CSMD1: variants seen among roughly 807,000 people sequenced by gnomAD.
The protein encoded by CSMD1 is CUB and sushi domain-containing protein 1.
CSMD1 carries 213 observed loss-of-function variants against 417.5 expected under a neutral mutation model. The ratio of observed to expected loss-of-function variants is 0.51; its 90% CI spans 0.46 to 0.57. The LOEUF (loss-of-function observed/expected upper bound fraction) is 0.57. Ranked by LOEUF, CSMD1 falls within the 20% of genes least tolerant of loss-of-function variation. The pLI is 0.00. For synonymous variants in CSMD1, 2,862 were observed against 1,736.8 expected (o/e 1.65, Z -16.11); for missense variants, 6,923 against 4,529.7 (o/e 1.53, Z -15.17).
chr8:3,868,470 G>T (rs1232657861), intron 5 of CSMD1, among the ~76,000 whole-genome samples: 2 of 152,116 alleles, frequency 1.3e-5, no homozygotes, highest in African/African-American at 4.8e-5. Flanking sequence ...CAGCCAAAAG[G>T]AAGGGGCTCT....
intron 4 of CSMD1, among the ~76,000 whole-genome samples, chr8:3,999,496 T>C (rs754653359): frequency 2.0e-4 from 30 of 152,174 alleles, no homozygotes; most frequent in Non-Finnish European, 3.8e-4. Context: ...AACGTCAAAA[T>C]AGAACCAATC....
intron 8 of CSMD1, among the ~76,000 whole-genome samples, chr8:3,615,094 A>G (rs1738168856): frequency 6.6e-6 from 1 of 152,182 alleles, no homozygotes; most frequent in African/African-American, 2.4e-5. Flanking sequence ...TTCTAATATG[A>G]TACTGGAAAC....
intron 5 of CSMD1, among the ~76,000 whole-genome samples, chr8:3,969,359 G>A (rs553623480): frequency 1.3e-5 from 2 of 152,314 alleles, no homozygotes; most frequent in Non-Finnish European, 2.9e-5. Context: ...GAACATCACA[G>A]AATGCTCAGA....
chr8:4,613,094 T>C (rs905108051), intron 2 of CSMD1, among the ~76,000 whole-genome samples: 3 of 152,156 alleles, frequency 2.0e-5, no homozygotes, highest in African/African-American at 7.2e-5. Context: ...GCTTGTCTTA[T>C]AGCTGAATGC....
At chr8:4,962,228 G>T (rs1195564805) in intron 1 of CSMD1, among the ~76,000 whole-genome samples, 3 of 148,824 alleles carry the variant, frequency 2.0e-5, no homozygotes, top group Admixed American at 6.7e-5. Flanking sequence ...AATATTTGTT[G>T]GAGACAGAGA....
intron 1 of CSMD1, among the ~76,000 whole-genome samples, chr8:4,718,434 T>C (rs1348539799): frequency 6.6e-6 from 1 of 152,188 alleles, no homozygotes; most frequent in Non-Finnish European, 1.5e-5. Flanking sequence ...GGCTGATTCT[T>C]AAGCAGGAAT....
chr8:3,985,419 A>C (rs1814245041), intron 5 of CSMD1, among the ~76,000 whole-genome samples: 1 of 152,102 alleles, frequency 6.6e-6, no homozygotes, highest in African/African-American at 2.4e-5. Context: ...GTCTAGTCTT[A>C]TGTGCACACA....
At chr8:4,813,317 T>C (rs553628754) in intron 1 of CSMD1, among the ~76,000 whole-genome samples, 1 of 152,130 alleles carries the variant, frequency 6.6e-6, no homozygotes, top group African/African-American at 2.4e-5. Context: ...GCCGGGGCTG[T>C]GATGAGAAAT....
At chr8:3,224,616 G>A (rs1208512124) in intron 27 of CSMD1, among the ~76,000 whole-genome samples, 1 of 152,158 alleles carries the variant, frequency 6.6e-6, no homozygotes, top group Non-Finnish European at 1.5e-5. Flanking sequence ...TGATCACAAT[G>A]CTTGGTATAT....
chr8:3,106,479 T>A (rs1265647839), intron 46 of CSMD1, 49 bp downstream of exon 46: 8 of 1,137,170 alleles, frequency 7.0e-6, no homozygotes, highest in African/African-American at 1.5e-5. Flanking sequence ...ACAATACAAT[T>A]TTCCATGTTG....
At chr8:3,908,913 C>T (rs989213120) in intron 5 of CSMD1, among the ~76,000 whole-genome samples, 16 of 152,206 alleles carry the variant, frequency 1.1e-4, no homozygotes, top group African/African-American at 3.9e-4. Flanking sequence ...ACTCATGCAT[C>T]TATCTTGCTT....
chr8:3,670,733 T>C (rs1158321598), intron 7 of CSMD1, among the ~76,000 whole-genome samples: 2 of 107,738 alleles, frequency 1.9e-5, no homozygotes, highest in African/African-American at 3.2e-5. Flanking sequence ...TATACATGTA[T>C]GGGATGTATG....
intron 2 of CSMD1, among the ~76,000 whole-genome samples, chr8:4,473,649 T>G (rs1042651264): frequency 2.6e-5 from 4 of 152,192 alleles, no homozygotes; most frequent in African/African-American, 9.6e-5. Context: ...TTCCTTTATC[T>G]GTGAAAACAA....
At chr8:4,835,474 C>A (rs542090353) in intron 1 of CSMD1, among the ~76,000 whole-genome samples, 40 of 152,238 alleles carry the variant, frequency 2.6e-4, no homozygotes, top group African/African-American at 9.1e-4. Flanking sequence ...ACAGTGGATT[C>A]TTATGTTGAA....
intron 5 of CSMD1, among the ~76,000 whole-genome samples, chr8:3,794,225 C>A (rs1246925960): frequency 6.6e-6 from 1 of 152,164 alleles, no homozygotes; most frequent in Non-Finnish European, 1.5e-5. Context: ...CTTCTTGGGA[C>A]AATCCTGTTC....
At chr8:3,652,192 C>CA (rs1797892254) in intron 7 of CSMD1, among the ~76,000 whole-genome samples, 1 of 149,310 alleles carries the variant, frequency 6.7e-6, no homozygotes, top group Non-Finnish European at 1.5e-5. Flanking sequence ...CACCTACCAC[C>CA]TTCAGCGGGC....
At chr8:2,948,522 T>A (rs186100586) in intron 68 of CSMD1, among the ~76,000 whole-genome samples, 14 of 152,260 alleles carry the variant, frequency 9.2e-5, no homozygotes, top group Admixed American at 9.2e-4. Context: ...TCTTTCCACA[T>A]CAATATATAG....
chr8:3,541,867 G>C (rs1422047425), intron 10 of CSMD1, among the ~76,000 whole-genome samples: 2 of 151,918 alleles, frequency 1.3e-5, no homozygotes, highest in Non-Finnish European at 2.9e-5. Context: ...TTCGAGACCA[G>C]CCTGGCCAAA....
chr8:4,375,831 A>G (rs190738209), intron 3 of CSMD1, among the ~76,000 whole-genome samples: 20 of 152,310 alleles, frequency 1.3e-4, no homozygotes, highest in Admixed American at 3.9e-4. Flanking sequence ...TTTTTAAGCC[A>G]AAACAGACTT....
Sources: allele counts gnomAD v4.1 joint callset (sites outside exome capture counted in the v4.1 genomes callset), GRCh38; gene constraint gnomAD v4.1.1; transcripts MANE v1.5; gene names NCBI Gene and HGNC (gene_info 2026-07-23, HGNC 2026-07-21).